The following ZNF480 variants were observed in gnomAD, a reference collection of about 807,000 sequenced individuals.
ZNF480 encodes the protein zinc finger protein 480.
In ZNF480, 15 loss-of-function variants were observed where a neutral mutation model predicts 14.4. The observed-to-expected ratio is 1.04, with a 90% CI of 0.70 to 1.60. The LOEUF is 1.60. ZNF480 is among the 40% of genes most tolerant of loss of function. The probability of loss-of-function intolerance (pLI) is 0.00; values close to 1 mark genes in which losing one functional copy is unlikely to be tolerated. For synonymous variants in ZNF480, 218 were observed against 215.5 expected, an observed-to-expected ratio of 1.01 and a Z score of -0.10; for missense variants, 593 against 629.7, an observed-to-expected ratio of 0.94 and a Z score of 0.62.
chr19:52,322,827 T>C lies in ZNF480; in HGVS notation c.1577T>C (p.Leu526Pro), dbSNP rs1181300667. The change falls in exon 5 of 5, where the codon CTA (leucine) becomes CCA (proline). Residue 526 changes from leucine to proline, a missense_variant. Physicochemically the swap from Leu to Pro is moderately conservative, Grantham distance 98. Coordinates refer to ENST00000595962, the MANE Select transcript of ZNF480 (RefSeq NM_144684.4). ...CGKAFSRISY[L>P]AQHWTIHMG Reference sequence around the variant, plus strand: ...AAGGCCTTTAGTCGCATTTCATACCTAGCACAACATTGGACAATTCATATG... The same window carrying C: ...AAGGCCTTTAGTCGCATTTCATACCCAGCACAACATTGGACAATTCATATG... 6.2e-7 allele frequency: 1 copy of C among 1,600,742 alleles called. No homozygotes were observed. Among genetic ancestry groups the C allele is most frequent in the Admixed American group, 1.7e-5 (1 of 59,100 alleles).
At chr19:52,304,951 T>G (rs1362082090) in intron 2 of ZNF480, among the ~76,000 whole-genome samples, 1 of 151,842 alleles carries the variant, frequency 6.6e-6, no homozygotes, top group African/African-American at 2.4e-5. Flanking sequence ...ACAAAAAAAT[T>G]AGCCGGGCAT....
chr19:52,325,114 C>A lies in ZNF480; in HGVS notation c.*2256C>A, dbSNP rs928099637. ...AAACTGGGCAAAGGCCATGAATAGA[C>A]CTTTCTCAAAAGAATACATACATGT... On this transcript the variant is annotated 3_prime_UTR_variant, in exon 5 of 5. Coordinates refer to ENST00000595962, the MANE Select transcript of ZNF480 (RefSeq NM_144684.4). 1 of 152,150 alleles carries A rather than the reference C, an allele frequency of 6.6e-6. No homozygotes were observed. The highest frequency in any genetic ancestry group is 2.4e-5 in the African/African-American group (1 of 41,420). 9.4% of individuals were successfully genotyped at this position (152,150 alleles called of 1,614,324 possible).
intron 4 of ZNF480, among the ~76,000 whole-genome samples, chr19:52,320,434 C>G (rs192549766): frequency 2.1e-4 from 32 of 152,270 alleles, no homozygotes; most frequent in African/African-American, 7.5e-4. Flanking sequence ...AGGAGGATCA[C>G]TTGAGCCAAG....
chr19:52,314,141 T>G lies in ZNF480; in HGVS notation c.73-12T>G. 6.4e-7 allele frequency: 1 copy of G among 1,553,640 alleles called. No homozygotes were observed. The highest frequency in any genetic ancestry group is 8.8e-7 in the Non-Finnish European group (1 of 1,142,406). ...TACATATCCTGTTGGTGAAATGTGG[T>G]TTTCATTTTAGGGACACTTAACATT... On this transcript the variant is annotated splice_polypyrimidine_tract_variant and intron_variant, in intron 2 of 4. Transcript: ENST00000595962.
intron 2 of ZNF480, among the ~76,000 whole-genome samples, chr19:52,310,424 T>C (rs1983214875): frequency 6.6e-6 from 1 of 152,150 alleles, no homozygotes; most frequent in African/African-American, 2.4e-5. Flanking sequence ...ATAATTTTGT[T>C]AATTATATAC....
At chr19:52,316,109 A>G in intron 4 of ZNF480, 147 bp downstream of exon 4, 1 of 767,342 alleles carries the variant, frequency 1.3e-6, no homozygotes, top group Non-Finnish European at 1.9e-6. Flanking sequence ...ACAGAGCCTG[A>G]GAGACAGAGC....
chr19:52,300,395 A>T lies in ZNF480; in HGVS notation c.-18A>T, dbSNP rs1982627887. 6.3e-7 allele frequency: 1 copy of T among 1,596,748 alleles called. No homozygotes were observed. On this transcript the variant is annotated splice_region_variant and 5_prime_UTR_variant, in exon 2 of 5. Transcript: ENST00000595962. The stretch of plus-strand genomic sequence containing the variant: ...AAACAGCATATTTTTGACATTTAGG[A>T]TTGACTTCTAAAGAGTCATGCTGTG...
intron 2 of ZNF480, among the ~76,000 whole-genome samples, chr19:52,313,201 A>G (rs1983376225): frequency 1.4e-5 from 2 of 147,734 alleles, no homozygotes; most frequent in African/African-American, 2.5e-5. Context: ...CAGTGGTGCA[A>G]TCTCAGCTCA....
intron 2 of ZNF480, among the ~76,000 whole-genome samples, chr19:52,312,826 T>G (rs1182263504): frequency 9.7e-6 from 1 of 102,792 alleles, no homozygotes; most frequent in Non-Finnish European, 2.2e-5. Context: ...GTTTTATAAT[T>G]CTTTTTTTTT....
chr19:52,298,861 T>A (rs62110448), intron 1 of ZNF480, among the ~76,000 whole-genome samples: 9,433 of 150,562 alleles, frequency 0.063, 411 homozygotes, highest in Middle Eastern at 0.15. Flanking sequence ...AAGGTGAGAA[T>A]GAGAGATACG....
chr19:52,321,897 C>T lies in ZNF480; in HGVS notation c.647C>T (p.Ser216Phe), dbSNP rs1568636754. Residue 216 changes from serine (S) to phenylalanine (F), a missense_variant, in exon 5 of 5, where the codon TCC (serine) becomes TTC (phenylalanine). Coordinates refer to ENST00000595962, the MANE Select transcript of ZNF480 (RefSeq NM_144684.4). ...NEHSKVFRVS[S>F]SLTKHQVIHT... ...CATAGCAAAGTCTTTAGAGTATCTT[C>T]CAGCCTTACTAAACATCAAGTAATC... 6.2e-7 allele frequency: 1 copy of T among 1,614,014 alleles called. No individual in the cohort carries two copies. The highest frequency in any genetic ancestry group is 8.5e-7 in the Non-Finnish European group (1 of 1,180,006).
At chr19:52,318,811 T>C (rs1983674286) in intron 4 of ZNF480, among the ~76,000 whole-genome samples, 1 of 152,082 alleles carries the variant, frequency 6.6e-6, no homozygotes, top group African/African-American at 2.4e-5. Flanking sequence ...GATTGAACAT[T>C]ATTCTACCAA....
At chr19:52,320,571 G>A (rs559207676) in intron 4 of ZNF480, among the ~76,000 whole-genome samples, 65 of 152,164 alleles carry the variant, frequency 4.3e-4, no homozygotes, top group African/African-American at 7.0e-4. Context: ...TGAGGTGGCC[G>A]GATCATGGTC....
chr19:52,313,290 A>C (rs1983379628), intron 2 of ZNF480, among the ~76,000 whole-genome samples: 1 of 151,362 alleles, frequency 6.6e-6, no homozygotes, highest in African/African-American at 2.4e-5. Context: ...GGTGCATACC[A>C]CCACGCCCAG....
chr19:52,313,509 G>T (rs1404004252), intron 2 of ZNF480, among the ~76,000 whole-genome samples: 1 of 151,966 alleles, frequency 6.6e-6, no homozygotes, highest in Non-Finnish European at 1.5e-5. Context: ...TCTTGTAGTG[G>T]TGGTGATATT....
At chr19:52,302,594 C>A (rs1451081709) in intron 2 of ZNF480, among the ~76,000 whole-genome samples, 1 of 152,170 alleles carries the variant, frequency 6.6e-6, no homozygotes, top group Non-Finnish European at 1.5e-5. Flanking sequence ...AAGAGTCCCT[C>A]GTTTGACAGG....
At chr19:52,316,211 TCTTTCTTTCTTC>T (rs1010233601) in intron 4 of ZNF480, among the ~76,000 whole-genome samples, 3 of 151,396 alleles carry the variant, frequency 2.0e-5, no homozygotes, top group African/African-American at 7.3e-5. Context: ...TTTCTTTCTT[TCTTTCTTTCTTC>T]CTTTCTTCCT....
Position 52,321,601 on chromosome 19 carries a change from C to A in ZNF480, c.351C>A (p.Ser117Arg), listed in dbSNP as rs1983812261. The A allele has an allele frequency of 1.9e-6, 3 of 1,596,680 alleles. No homozygotes were observed. Among genetic ancestry groups the A allele is most frequent in the South Asian group, 1.1e-5 (1 of 88,538 alleles). The stretch of plus-strand genomic sequence containing the variant: ...TAGGGAGCAGCTATGCATTGGGAAG[C>A]AATGCAGAAGACAAACCAATTAAAA... ...VNTGSSYALG[S>R]NAEDKPIKKQ... Residue 117 changes from serine (S) to arginine (R), a missense_variant, in exon 5 of 5, where the codon AGC becomes AGA. Physicochemically the swap from Ser to Arg is moderately radical, Grantham distance 110. Transcript: ENST00000595962.
At chr19:52,313,208 C>T (rs1257187229) in intron 2 of ZNF480, among the ~76,000 whole-genome samples, 2 of 150,254 alleles carry the variant, frequency 1.3e-5, no homozygotes, top group African/African-American at 4.9e-5. Flanking sequence ...GCAATCTCAG[C>T]TCACTGCAAC....
Sources: allele counts gnomAD v4.1 joint callset (sites outside exome capture counted in the v4.1 genomes callset), GRCh38; gene constraint gnomAD v4.1.1; transcripts MANE v1.5; gene names NCBI Gene and HGNC (gene_info 2026-07-23, HGNC 2026-07-21).